PLPPR5: variants seen among roughly 807,000 people sequenced by gnomAD.
The protein encoded by PLPPR5 is phospholipid phosphatase-related protein type 5.
A neutral mutation model predicts 33.9 loss-of-function variants in PLPPR5; 16 were observed. The observed-to-expected ratio is 0.47, with a 90% CI of 0.32 to 0.72. The LOEUF (loss-of-function observed/expected upper bound fraction) is 0.72, where lower values mean the gene tolerates loss of function less well. Among genes scored for constraint, PLPPR5 ranks in the 30% least tolerant of loss-of-function variants. The pLI, the probability that PLPPR5 is intolerant of heterozygous loss-of-function variation, is 0.03. For synonymous variants in PLPPR5, 163 were observed against 150.3 expected (o/e 1.08, Z -0.62); for missense variants, 301 against 406.7 (o/e 0.74, Z 2.23).
intron 1 of PLPPR5, among the ~76,000 whole-genome samples, chr1:98,979,417 C>T (rs911257841): frequency 3.3e-5 from 5 of 151,994 alleles, no homozygotes; most frequent in Non-Finnish European, 5.9e-5. Context: ...TTATTGTGAG[C>T]TATTCTCTAA....
chr1:98,968,401 C>T (rs1651528212), intron 1 of PLPPR5, among the ~76,000 whole-genome samples: 1 of 152,050 alleles, frequency 6.6e-6, no homozygotes, highest in East Asian at 1.9e-4. Flanking sequence ...TCATTTTCCC[C>T]TCTTCTTTAT....
chr1:98,893,618 CTTTTTTTTTTT>C (rs58092144), intron 5 of PLPPR5, among the ~76,000 whole-genome samples: 2 of 90,076 alleles, frequency 2.2e-5, no homozygotes, highest in Non-Finnish European at 4.3e-5. Flanking sequence ...TTCACAGCGC[CTTTTTTTTTTT>C]TTTTTTTTTT....
chr1:98,964,773 C>T (rs1651370515), intron 1 of PLPPR5, among the ~76,000 whole-genome samples: 2 of 152,104 alleles, frequency 1.3e-5, no homozygotes, highest in African/African-American at 4.8e-5. Context: ...CCACCAAGGG[C>T]TCAGAAACTA....
At chr1:98,896,163 G>C (rs1648465113) in intron 5 of PLPPR5, among the ~76,000 whole-genome samples, 1 of 151,856 alleles carries the variant, frequency 6.6e-6, no homozygotes. Flanking sequence ...ACATTACCAA[G>C]GTATGTACAT....
intron 1 of PLPPR5, among the ~76,000 whole-genome samples, chr1:98,964,441 T>A (rs978515781): frequency 2.0e-5 from 3 of 151,846 alleles, no homozygotes; most frequent in Non-Finnish European, 4.4e-5. Context: ...ACGGAGGTAC[T>A]CCTCCCCCAC....
At chr1:98,955,894 G>A (rs566881749) in intron 2 of PLPPR5, among the ~76,000 whole-genome samples, 28 of 152,074 alleles carry the variant, frequency 1.8e-4, no homozygotes, top group African/African-American at 2.6e-4. Flanking sequence ...ATTGTATTGC[G>A]TCAGTTAAAA....
At chr1:99,003,056 C>CATATATATATAT (rs59686592) in intron 1 of PLPPR5, among the ~76,000 whole-genome samples, 8 of 81,118 alleles carry the variant, frequency 9.9e-5, no homozygotes, top group Admixed American at 1.4e-4. Context: ...ACTTATTTTA[C>CATATATATATAT]ATATATATAT....
chr1:98,912,007 G>A (rs1283419006), intron 5 of PLPPR5, among the ~76,000 whole-genome samples: 3 of 152,066 alleles, frequency 2.0e-5, no homozygotes, highest in East Asian at 3.9e-4. Context: ...GACCTCAAGC[G>A]ATCCTTCCAC....
intron 3 of PLPPR5, among the ~76,000 whole-genome samples, chr1:98,947,098 T>C (rs561887340): frequency 6.6e-6 from 1 of 152,178 alleles, no homozygotes; most frequent in African/African-American, 2.4e-5. Context: ...AAGCCGACGT[T>C]TGCTAACATA....
chr1:98,952,262 C>CAAAAAA (rs779701945), intron 3 of PLPPR5, among the ~76,000 whole-genome samples: 1 of 113,060 alleles, frequency 8.8e-6, no homozygotes. Flanking sequence ...GACTCCGTCT[C>CAAAAAA]AGAAAAAAAA....
At chr1:98,951,852 A>T (rs530823851) in intron 3 of PLPPR5, among the ~76,000 whole-genome samples, 7 of 152,326 alleles carry the variant, frequency 4.6e-5, no homozygotes, top group African/African-American at 1.4e-4. Flanking sequence ...GTCATTAGAA[A>T]TAATCAAATT....
chr1:98,984,982 A>G (rs1557693638), intron 1 of PLPPR5, among the ~76,000 whole-genome samples: 1 of 152,064 alleles, frequency 6.6e-6, no homozygotes, highest in Non-Finnish European at 1.5e-5. Flanking sequence ...AAAACTCTTC[A>G]TAAAAATTTG....
rs1557681549 is a variant in PLPPR5 at position 98,953,043 on chromosome 1, G to A, written c.621+27C>T. The A allele has an allele frequency of 1.9e-6, 3 of 1,612,344 alleles. No homozygotes were observed. The South Asian group carries it at 3.3e-5, about 18-fold the overall frequency. On this transcript the variant is annotated intron_variant, in intron 3 of 5. Transcript: ENST00000263177. ...AAAAATTAACAATAATACAGACTAA[G>A]ACAACAAATTTATAATCCTTACTTA...
intron 1 of PLPPR5, among the ~76,000 whole-genome samples, chr1:98,998,545 G>A (rs1189858822): frequency 1.3e-5 from 2 of 152,130 alleles, no homozygotes; most frequent in African/African-American, 2.4e-5. Context: ...CATCGAAGCA[G>A]GAACATTGAA....
chr1:98,908,877 T>C (rs778447932), intron 5 of PLPPR5, among the ~76,000 whole-genome samples: 1 of 152,144 alleles, frequency 6.6e-6, no homozygotes, highest in Non-Finnish European at 1.5e-5. Context: ...GGTTTTAAAT[T>C]ACCCTGGGGG....
chr1:98,999,991 C>T (rs186972837), intron 1 of PLPPR5, among the ~76,000 whole-genome samples: 1 of 152,244 alleles, frequency 6.6e-6, no homozygotes, highest in East Asian at 1.9e-4. Flanking sequence ...TTTAAATCAT[C>T]TATGTTGCTC....
At chr1:98,999,300 A>G (rs943555391) in intron 1 of PLPPR5, among the ~76,000 whole-genome samples, 1 of 152,182 alleles carries the variant, frequency 6.6e-6, no homozygotes. Flanking sequence ...TTTCATACTC[A>G]GTAATCCTGT....
intron 1 of PLPPR5, among the ~76,000 whole-genome samples, chr1:99,001,671 G>GATAGATAGATAGATATATATATATAT (rs1247519605): frequency 9.8e-6 from 1 of 102,196 alleles, no homozygotes; most frequent in South Asian, 3.3e-4. Context: ...GAAAGTTAAA[G>GATAGATAGATAGATATATATATATAT]ATATATATAT....
At chr1:98,925,309 C>T (rs914598307) in intron 3 of PLPPR5, among the ~76,000 whole-genome samples, 1 of 152,114 alleles carries the variant, frequency 6.6e-6, no homozygotes, top group Non-Finnish European at 1.5e-5. Flanking sequence ...GGTATTCACT[C>T]AGTCCTCTAG....
Sources: allele counts gnomAD v4.1 joint callset (sites outside exome capture counted in the v4.1 genomes callset), GRCh38; gene constraint gnomAD v4.1.1; transcripts MANE v1.5; gene names NCBI Gene and HGNC (gene_info 2026-07-23, HGNC 2026-07-21).